The following TMEM44 variants were observed in gnomAD, a reference collection of about 807,000 sequenced individuals.
TMEM44 encodes the protein transmembrane protein 44.
A neutral mutation model predicts 47.8 loss-of-function variants in TMEM44; 43 were observed. The observed-to-expected ratio is 0.90, with a 90% confidence interval of 0.70 to 1.16. The LOEUF (loss-of-function observed/expected upper bound fraction) is 1.16, where lower values mean the gene tolerates loss of function less well. TMEM44 is among the 50% of genes most tolerant of loss of function. TMEM44 has a pLI of 0.00. For synonymous variants in TMEM44, 277 were observed against 238.8 expected (o/e 1.16, Z -1.48); for missense variants, 568 against 555.2 (o/e 1.02, Z -0.23).
intron 3 of TMEM44, among the ~76,000 whole-genome samples, chr3:194,624,063 C>T (rs192692945): frequency 1.2e-4 from 19 of 152,330 alleles, no homozygotes; most frequent in Admixed American, 1.0e-3. Context: ...CAGAGCAGAA[C>T]CGGTACAAGT....
At chr3:194,596,523 G>A (rs916430471) in intron 9 of TMEM44, among the ~76,000 whole-genome samples, 5 of 152,160 alleles carry the variant, frequency 3.3e-5, no homozygotes, top group African/African-American at 9.7e-5. Context: ...TGGGTGCGGC[G>A]GCTCACACCT....
chr3:194,588,928 T>C (rs914864728), intron 9 of TMEM44: 2 of 412,842 alleles, frequency 4.8e-6, no homozygotes, highest in Non-Finnish European at 9.0e-6. Flanking sequence ...CCTTATCTAG[T>C]GACACTGAGT....
At chr3:194,598,625 C>T (rs561240397) in intron 9 of TMEM44, among the ~76,000 whole-genome samples, 4 of 152,294 alleles carry the variant, frequency 2.6e-5, no homozygotes, top group Admixed American at 2.6e-4. Context: ...AGTCACTGTT[C>T]GCAGTGAGCA....
At chr3:194,616,694 G>T (rs1715929601) in intron 6 of TMEM44, 2 of 411,988 alleles carry the variant, frequency 4.9e-6, no homozygotes, top group South Asian at 3.4e-5. Context: ...ATTAACCACA[G>T]TCAGCATCTA....
At chr3:194,594,488 T>C (rs78801600) in intron 9 of TMEM44, among the ~76,000 whole-genome samples, 5,094 of 151,832 alleles carry the variant, frequency 0.034, 275 homozygotes, top group African/African-American at 0.12. Flanking sequence ...CATCCACAAA[T>C]ATTTCAAAAT....
intron 9 of TMEM44, among the ~76,000 whole-genome samples, chr3:194,601,295 G>A (rs551833744): frequency 6.6e-6 from 1 of 151,566 alleles, no homozygotes; most frequent in African/African-American, 2.4e-5. Flanking sequence ...CCGCCACCAC[G>A]CCTGGCTAAT....
chr3:194,616,947 G>T, intron 6 of TMEM44, 152 bp downstream of exon 6: 2 of 809,108 alleles, frequency 2.5e-6, no homozygotes, highest in Non-Finnish European at 1.9e-6. Context: ...TTGCATTTGT[G>T]TTTGCCTGCC....
intron 5 of TMEM44, among the ~76,000 whole-genome samples, chr3:194,620,051 A>G (rs1374143100): frequency 6.6e-6 from 1 of 152,004 alleles, no homozygotes; most frequent in Non-Finnish European, 1.5e-5. Flanking sequence ...AGCACTTTGG[A>G]AGGCCGAGGC....
chr3:194,602,400 A>G (rs911297799), intron 9 of TMEM44, among the ~76,000 whole-genome samples: 7 of 152,128 alleles, frequency 4.6e-5, no homozygotes, highest in Admixed American at 3.3e-4. Flanking sequence ...TCAGGAGTTC[A>G]AGACCAGCCT....
intron 8 of TMEM44, among the ~76,000 whole-genome samples, chr3:194,606,576 C>CT (rs1322449579): frequency 3.9e-5 from 6 of 152,102 alleles, no homozygotes; most frequent in Non-Finnish European, 8.8e-5. Context: ...ACTGTAGGAT[C>CT]TTGGGCAAGT....
chr3:194,600,476 A>T (rs73195036), intron 9 of TMEM44, among the ~76,000 whole-genome samples: 10 of 148,090 alleles, frequency 6.8e-5, no homozygotes, highest in Admixed American at 4.0e-4. Flanking sequence ...AGGCTGGGCA[A>T]GGTGGCTCAC....
rs1715372589 is a variant in TMEM44, at chr3:194,611,996, T to A, written c.913-976A>T. On this transcript the variant is annotated intron_variant, in intron 7 of 9. Transcript: ENST00000347147. This position sits in a 1 kb window ranked among gnomAD's most constrained non-coding sequence, Gnocchi z 4.2. ...GAGATCGTGCCACTGCAATCCAGCC[T>A]GGACAACAGTGAGACTCCGTCTCAA... is the stretch of plus-strand genomic sequence containing the variant. 6.6e-6 allele frequency among the ~76,000 whole-genome samples: 1 copy of A among 151,344 alleles called. No individual in the cohort carries two copies. Among genetic ancestry groups the A allele is most frequent in the African/African-American group, 2.4e-5 (1 of 41,054 alleles).
chr3:194,599,723 T>C (rs1347627061), intron 9 of TMEM44, among the ~76,000 whole-genome samples: 1 of 151,802 alleles, frequency 6.6e-6, no homozygotes, highest in African/African-American at 2.4e-5. Flanking sequence ...TAGCTGGGAT[T>C]ACAGGCACGT....
intron 2 of TMEM44, among the ~76,000 whole-genome samples, chr3:194,627,531 A>G (rs1320483381): frequency 6.6e-6 from 1 of 152,136 alleles, no homozygotes; most frequent in East Asian, 1.9e-4. Flanking sequence ...GGACTCAGCC[A>G]CCCTACATAA....
chr3:194,592,219 C>T (rs1282970613), intron 9 of TMEM44, among the ~76,000 whole-genome samples: 2 of 82,826 alleles, frequency 2.4e-5, no homozygotes, highest in African/African-American at 7.7e-5. Context: ...AGCGAGACTC[C>T]GTCTCAAAAA....
chr3:194,617,248 A>G lies in TMEM44; in HGVS notation c.634T>C (p.Ser212Pro). 1.5e-6 allele frequency: 2 copies of G among 1,329,988 alleles called. No homozygotes were observed. Among genetic ancestry groups the G allele is most frequent in the Non-Finnish European group, 2.0e-6 (2 of 1,007,012 alleles). The allele number at this position is 1,329,988 out of a possible 1,614,324, so 82.4% of individuals were successfully genotyped here. A position where few individuals can be genotyped will look rare whatever the true frequency, so the allele number is the denominator to read the frequency against. ...AGGAGCCGGGTCCACAGGTGGATGG[A>G]GGGAAATGTCTTCCCCCGGCACTGG... ...SRICRGKTFP[S>P]IHLWTRLLSA... is the part of the protein sequence containing the mutation. The change falls in exon 6 of 10, where the codon TCC becomes CCC. Residue 212 changes from serine to proline, a missense_variant. Transcript: ENST00000347147.
intron 9 of TMEM44, chr3:194,588,891 C>T: frequency 2.0e-6 from 1 of 498,218 alleles, no homozygotes; most frequent in East Asian, 3.7e-5. Flanking sequence ...CGCCCTCATT[C>T]TCCACTCTTC....
intron 9 of TMEM44, among the ~76,000 whole-genome samples, chr3:194,593,729 G>A (rs912905812): frequency 4.6e-5 from 7 of 152,102 alleles, no homozygotes; most frequent in African/African-American, 7.2e-5. Flanking sequence ...CAGGCAGTCC[G>A]AGCAGTCCAC....
chr3:194,607,207 C>G (rs1320153163), intron 8 of TMEM44, among the ~76,000 whole-genome samples: 2 of 152,024 alleles, frequency 1.3e-5, no homozygotes, highest in Admixed American at 1.3e-4. Flanking sequence ...CCCTTCCTCT[C>G]TCTCCTGCCA....
Sources: gnomAD v4.1 joint callset for allele counts (sites outside exome capture counted in the v4.1 genomes callset) on GRCh38, gnomAD v4.1.1 for gene constraint, Gnocchi (gnomAD v3.1) non-coding constraint, MANE v1.5 for transcripts, NCBI Gene and HGNC (gene_info 2026-07-23, HGNC 2026-07-21) for gene names.